Variants in SLC44A1 observed in about 807,000 individuals in gnomAD.
SLC44A1 encodes choline transporter-like protein 1.
Under a neutral mutation model 79.3 loss-of-function variants are expected in SLC44A1, and 26 were observed. The observed-to-expected ratio is 0.33, with a 90% CI of 0.24 to 0.46. The LOEUF (loss-of-function observed/expected upper bound fraction) is 0.46, where lower values mean the gene tolerates loss of function less well. Among genes scored for constraint, SLC44A1 ranks in the 20% least tolerant of loss-of-function variants. The pLI is 1.00. For missense variants in SLC44A1, 688 were observed against 798.1 expected, an observed-to-expected ratio of 0.86 and a Z score of 1.66; for synonymous variants, 263 against 286.2, an observed-to-expected ratio of 0.92 and a Z score of 0.82.
intron 3 of SLC44A1, among the ~76,000 whole-genome samples, chr9:105,327,036 T>A (rs1205077226): frequency 6.6e-6 from 1 of 152,208 alleles, no homozygotes; most frequent in African/African-American, 2.4e-5. Flanking sequence ...ATGCTAAGCA[T>A]TATGTTTAAT....
chr9:105,420,681 C>G (rs1829235718), intron 15 of SLC44A1, among the ~76,000 whole-genome samples: 1 of 151,708 alleles, frequency 6.6e-6, no homozygotes, highest in Non-Finnish European at 1.5e-5. Context: ...GACCAACAGG[C>G]AGAAACCCCC....
chr9:105,275,188 G>A (rs1004609523), intron 1 of SLC44A1, among the ~76,000 whole-genome samples: 6 of 152,154 alleles, frequency 3.9e-5, no homozygotes, highest in Admixed American at 1.3e-4. Context: ...CTATACAACC[G>A]TAGCATGTAT....
intron 13 of SLC44A1, among the ~76,000 whole-genome samples, chr9:105,380,954 T>G (rs904502609): frequency 8.5e-5 from 13 of 152,192 alleles, no homozygotes; most frequent in Non-Finnish European, 1.6e-4. Context: ...CACTCTTTCA[T>G]TATATTTGGG....
At chr9:105,280,283 C>T (rs1354741695) in intron 1 of SLC44A1, among the ~76,000 whole-genome samples, 3 of 152,130 alleles carry the variant, frequency 2.0e-5, no homozygotes, top group Non-Finnish European at 4.4e-5. Flanking sequence ...GTATAGGATT[C>T]CAGGTCTAGC....
intron 15 of SLC44A1, among the ~76,000 whole-genome samples, chr9:105,422,282 T>TG (rs1829263063): frequency 1.3e-5 from 1 of 77,250 alleles, no homozygotes; most frequent in African/African-American, 6.8e-5. Flanking sequence ...TGCTCCATCC[T>TG]TTTTTTTTTT....
intron 10 of SLC44A1, among the ~76,000 whole-genome samples, chr9:105,365,002 A>T (rs1285636211): frequency 1.3e-5 from 2 of 152,214 alleles, no homozygotes; most frequent in Non-Finnish European, 2.9e-5. Flanking sequence ...TAGTGGTGCC[A>T]TATGTACTTT....
intron 1 of SLC44A1, among the ~76,000 whole-genome samples, chr9:105,291,184 G>A (rs1830594224): frequency 6.6e-6 from 1 of 152,138 alleles, no homozygotes; most frequent in Non-Finnish European, 1.5e-5. Context: ...ATATACATCA[G>A]CTCTTTTATT....
At chr9:105,348,995 CT>C (rs1250299828) in intron 5 of SLC44A1, among the ~76,000 whole-genome samples, 1 of 152,148 alleles carries the variant, frequency 6.6e-6, no homozygotes, top group Non-Finnish European at 1.5e-5. Context: ...TAAGTACCTA[CT>C]GTGCATGATG....
intron 15 of SLC44A1, chr9:105,386,436 ACTTTC>A: frequency 1.0e-6 from 1 of 984,228 alleles, no homozygotes; most frequent in Non-Finnish European, 1.2e-6. Context: ...TGAGGTAAGG[ACTTTC>A]CTTTCTGTCT....
intron 1 of SLC44A1, among the ~76,000 whole-genome samples, chr9:105,249,092 C>A (rs1030337091): frequency 2.0e-5 from 3 of 152,180 alleles, no homozygotes; most frequent in Non-Finnish European, 4.4e-5. Flanking sequence ...GACATTTGTC[C>A]ACTGTCTCAT....
At position 105,363,017 on chromosome 9, in the gene SLC44A1, T is replaced by C. The variant is rs1010991515; in HGVS notation, c.1087+10T>C. 2 of 1,582,636 alleles carry C rather than the reference T, an allele frequency of 1.3e-6. No homozygotes were observed. Among genetic ancestry groups the C allele is most frequent in the Non-Finnish European group, 1.7e-6 (2 of 1,161,970 alleles). ...TTTCTTGGCACTACCGGTAAGAAGA[T>C]AAGCTTCTTTCTCTTAGTGACAAAC... On this transcript the variant is annotated intron_variant, in intron 9 of 15. Transcript: ENST00000374720.
chr9:105,364,234 T>G (rs2131416500), intron 9 of SLC44A1, among the ~76,000 whole-genome samples: 1 of 152,322 alleles, frequency 6.6e-6, no homozygotes, highest in East Asian at 1.9e-4. Context: ...CTGTAATGAT[T>G]GGATAAATAA....
chr9:105,362,053 CGTGTGTGTGCGCGCGCGCGCGTGT>C (rs1220106176), intron 8 of SLC44A1, among the ~76,000 whole-genome samples: 1 of 151,116 alleles, frequency 6.6e-6, no homozygotes, highest in Non-Finnish European at 1.5e-5. Context: ...TTTGTGTGTG[CGTGTGTGTGCGCGCGCGCGCGTGT>C]GTGTGTGTGT....
chr9:105,315,004 A>G (rs1462053367), intron 3 of SLC44A1, among the ~76,000 whole-genome samples: 2 of 152,242 alleles, frequency 1.3e-5, no homozygotes, highest in Non-Finnish European at 2.9e-5. Context: ...TTCGCATCAT[A>G]CACTAAAATA....
intron 12 of SLC44A1, among the ~76,000 whole-genome samples, chr9:105,367,224 T>A (rs921433151): frequency 2.6e-5 from 4 of 152,206 alleles, no homozygotes; most frequent in African/African-American, 9.7e-5. Context: ...TAAAATTGAC[T>A]TTCTCACCAT....
intron 4 of SLC44A1, among the ~76,000 whole-genome samples, chr9:105,343,807 C>T (rs929271150): frequency 2.6e-5 from 4 of 152,176 alleles, no homozygotes; most frequent in Non-Finnish European, 5.9e-5. Flanking sequence ...CAGAATTCTC[C>T]TTTTCCTCCA....
rs1465936290 is a variant in SLC44A1 at position 105,397,013 on chromosome 9, G to A, written c.*7957G>A. 1.0e-6 allele frequency: 1 copy of A among 985,044 alleles called. No individual in the cohort carries two copies. The highest frequency in any genetic ancestry group is 1.7e-5 in the African/African-American group (1 of 57,210). 61.0% of individuals were successfully genotyped at this position (985,044 alleles called of 1,614,324 possible). A position where few individuals can be genotyped will look rare whatever the true frequency, so the allele number is the denominator to read the frequency against. On this transcript the variant is annotated 3_prime_UTR_variant, in exon 16 of 16. Coordinates refer to ENST00000374720, the MANE Select transcript of SLC44A1 (RefSeq NM_080546.5). ...TTGACACAGTGCAGACTTTGCAGAT[G>A]GAGCATTATGCTCTCAGAGGACTTT...
At chr9:105,338,949 A>G (rs904567768) in intron 4 of SLC44A1, among the ~76,000 whole-genome samples, 1 of 152,244 alleles carries the variant, frequency 6.6e-6, no homozygotes, top group Non-Finnish European at 1.5e-5. Context: ...TTAAAGGTCC[A>G]TGAAAGAGCC....
intron 1 of SLC44A1, among the ~76,000 whole-genome samples, chr9:105,268,919 C>T (rs7874307): frequency 0.041 from 6,316 of 152,272 alleles, 446 homozygotes; most frequent in African/African-American, 0.14. Context: ...ACTTCACTTA[C>T]GTTACCTTGC....
Sources: allele counts gnomAD v4.1 joint callset (sites outside exome capture counted in the v4.1 genomes callset), GRCh38; gene constraint gnomAD v4.1.1; transcripts MANE v1.5; gene names NCBI Gene and HGNC (gene_info 2026-07-23, HGNC 2026-07-21).